Variants in COG5 observed in about 807,000 individuals in gnomAD.
The protein encoded by COG5 is conserved oligomeric Golgi complex subunit 5.
COG5 carries 86 observed loss-of-function variants against 110.4 expected under a neutral mutation model. That is an observed-to-expected ratio of 0.78 (90% CI 0.65 to 0.93). The LOEUF is 0.93. Among genes scored for constraint, COG5 ranks in the 40% least tolerant of loss-of-function variants. COG5 has a pLI of 0.00. For synonymous variants in COG5, 360 were observed against 334.6 expected (o/e 1.08, Z -0.83); for missense variants, 1,077 against 987.0 (o/e 1.09, Z -1.22).
chr7:107,415,882 GTA>G (rs1196901946), intron 6 of COG5, among the ~76,000 whole-genome samples: 2 of 63,922 alleles, frequency 3.1e-5, no homozygotes, highest in Non-Finnish European at 5.5e-5. Context: ...GTATGTGTGT[GTA>G]TATACACACA....
chr7:107,282,974 CTG>C (rs1192077856), intron 13 of COG5, among the ~76,000 whole-genome samples: 2 of 152,174 alleles, frequency 1.3e-5, no homozygotes, highest in Non-Finnish European at 2.9e-5. Context: ...ATGACAGAAA[CTG>C]AGATAATTTC....
intron 17 of COG5, 63 bp from the exon 18 acceptor site, chr7:107,236,750 ACC>A (rs1471144356): frequency 1.9e-6 from 2 of 1,029,332 alleles, no homozygotes; most frequent in East Asian, 4.7e-5. Context: ...TTGATTTTGT[ACC>A]CCTCTCCCCA....
chr7:107,222,357 C>T (rs1346299452), intron 19 of COG5, among the ~76,000 whole-genome samples: 1 of 152,162 alleles, frequency 6.6e-6, no homozygotes, highest in Non-Finnish European at 1.5e-5. Context: ...GGGCGCATGG[C>T]ACTATGCCCA....
At chr7:107,230,248 T>C (rs1036873212) in intron 19 of COG5, among the ~76,000 whole-genome samples, 2 of 152,118 alleles carry the variant, frequency 1.3e-5, no homozygotes, top group African/African-American at 4.8e-5. Context: ...GGGTTAAAAA[T>C]GATAAATGAA....
chr7:107,228,203 A>C (rs2116377902), intron 19 of COG5, among the ~76,000 whole-genome samples: 1 of 149,308 alleles, frequency 6.7e-6, no homozygotes, highest in Non-Finnish European at 1.5e-5. Flanking sequence ...CAGGAGGCTG[A>C]GGCGGGAGGA....
At chr7:107,407,933 T>C (rs1177378054) in intron 7 of COG5, among the ~76,000 whole-genome samples, 1 of 151,844 alleles carries the variant, frequency 6.6e-6, no homozygotes, top group Non-Finnish European at 1.5e-5. Context: ...AAGAGCAAAG[T>C]TGTTGAAGAA....
At chr7:107,267,326 A>C (rs185134396) in intron 14 of COG5, among the ~76,000 whole-genome samples, 10 of 152,334 alleles carry the variant, frequency 6.6e-5, no homozygotes, top group Admixed American at 2.0e-4. Flanking sequence ...TCATCTAATC[A>C]AATCTATTAT....
chr7:107,306,324 TGCTTTA>T (rs1807713705), intron 11 of COG5, among the ~76,000 whole-genome samples: 1 of 152,198 alleles, frequency 6.6e-6, no homozygotes, highest in African/African-American at 2.4e-5. Flanking sequence ...TCATTCTTTC[TGCTTTA>T]GCCACTGAAG....
chr7:107,209,009 G>T, intron 21 of COG5: 1 of 973,106 alleles, frequency 1.0e-6, no homozygotes, highest in Non-Finnish European at 1.2e-6. Context: ...TCTGAGGTAG[G>T]CAAGGGTGAG....
chr7:107,517,211 C>T (rs1799983178), intron 6 of COG5, among the ~76,000 whole-genome samples: 1 of 151,808 alleles, frequency 6.6e-6, no homozygotes, highest in African/African-American at 2.4e-5. Context: ...CAAGTATCAA[C>T]AGCCGAATAG....
intron 19 of COG5, among the ~76,000 whole-genome samples, chr7:107,221,716 G>A (rs1333365301): frequency 6.7e-6 from 1 of 148,706 alleles, no homozygotes; most frequent in Non-Finnish European, 1.5e-5. Context: ...AGTGAGCCGG[G>A]ATCATGCCAC....
intron 14 of COG5, among the ~76,000 whole-genome samples, chr7:107,269,152 T>G (rs753848332): frequency 2.6e-5 from 4 of 152,182 alleles, no homozygotes; most frequent in Non-Finnish European, 4.4e-5. Context: ...TTTCTATTCT[T>G]TCAGTAGTCA....
intron 6 of COG5, among the ~76,000 whole-genome samples, chr7:107,521,952 G>A (rs1800349604): frequency 6.6e-6 from 1 of 152,126 alleles, no homozygotes. Flanking sequence ...AAAAAAAAAT[G>A]AAATCATGTC....
At chr7:107,249,105 A>T (rs1421714502) in intron 16 of COG5, among the ~76,000 whole-genome samples, 1 of 152,144 alleles carries the variant, frequency 6.6e-6, no homozygotes, top group Non-Finnish European at 1.5e-5. Flanking sequence ...TTCTACCCGC[A>T]AGTAGGCTCC....
At position 107,412,653 on chromosome 7, in the gene COG5, C is replaced by A. The variant is rs1023645895; in HGVS notation, c.539-21G>T. On this transcript the variant is annotated intron_variant, in intron 6 of 21. Coordinates refer to ENST00000297135, the MANE Select transcript of COG5 (RefSeq NM_006348.5). ...ATAATCTGTTTAAAACAAAAACATA[C>A]ACATTCAAATATTTCAATACTGAAT... The A allele has an allele frequency of 6.5e-6, 9 of 1,379,276 alleles. No individual in the cohort carries two copies. The African/African-American group carries it at 1.1e-4, about 18-fold the overall frequency. 85.4% of individuals were successfully genotyped at this position (1,379,276 alleles called of 1,614,324 possible).
At chr7:107,486,649 A>G (rs1187308472) in intron 6 of COG5, among the ~76,000 whole-genome samples, 1 of 152,200 alleles carries the variant, frequency 6.6e-6, no homozygotes, top group East Asian at 1.9e-4. Flanking sequence ...AACAAAAACC[A>G]TAATCCCAGG....
chr7:107,272,539 G>GT (rs1404367557), intron 14 of COG5, among the ~76,000 whole-genome samples: 1 of 152,140 alleles, frequency 6.6e-6, no homozygotes, highest in Non-Finnish European at 1.5e-5. Flanking sequence ...ACTGAGACCT[G>GT]TCTCAGATAT....
intron 11 of COG5, among the ~76,000 whole-genome samples, chr7:107,314,169 T>C (rs1244687389): frequency 6.6e-6 from 1 of 152,150 alleles, no homozygotes; most frequent in African/African-American, 2.4e-5. Flanking sequence ...GATGATTTTA[T>C]CTGTATAAAA....
At chr7:107,237,483 G>C (rs1166169067) in intron 17 of COG5, among the ~76,000 whole-genome samples, 1 of 152,178 alleles carries the variant, frequency 6.6e-6, no homozygotes, top group Non-Finnish European at 1.5e-5. Flanking sequence ...CAAGTTAAGT[G>C]TTTCCATATT....
Sources: gnomAD v4.1 joint callset for allele counts (sites outside exome capture counted in the v4.1 genomes callset) on GRCh38, gnomAD v4.1.1 for gene constraint, MANE v1.5 for transcripts, NCBI Gene and HGNC (gene_info 2026-07-23, HGNC 2026-07-21) for gene names.